The following MCC variants were observed in gnomAD, a reference collection of about 807,000 sequenced individuals.
MCC encodes MCC regulator of Wnt signaling pathway.
In MCC, 90 loss-of-function variants were observed where a neutral mutation model predicts 116.2. That is an observed-to-expected ratio of 0.77 (90% CI 0.65 to 0.92). The LOEUF is 0.92. Ranked by LOEUF, MCC falls within the 40% of genes least tolerant of loss-of-function variation. The pLI is 0.00. For synonymous variants in MCC, 578 were observed against 510.5 expected (o/e 1.13, Z -1.78); for missense variants, 1,516 against 1,312.2 (o/e 1.16, Z -2.40).
intron 1 of MCC, chr5:113,433,191 G>A (rs867704028): frequency 1.1e-5 from 2 of 180,402 alleles, no homozygotes; most frequent in South Asian, 2.2e-4. Flanking sequence ...CGAGGCTGCC[G>A]CCGAGAGTGC....
rs143904130 is a variant in MCC, at chr5:113,150,199, G to C, written c.741+1110C>G. On this transcript the variant is annotated intron_variant, in intron 4 of 18. Transcript: ENST00000408903. Reference sequence around the variant, plus strand: ...AAAGGAACAGAGCCAGACAGTGACAGAAAGCAGGCTGCCATTTTTGACAAG... The same window carrying C: ...AAAGGAACAGAGCCAGACAGTGACACAAAGCAGGCTGCCATTTTTGACAAG... Among the ~76,000 whole-genome samples the C allele has an allele frequency of 6.6e-5, 10 of 152,306 alleles. No individual in the cohort carries two copies. The East Asian group carries it at 1.9e-3, about 29-fold the overall frequency.
chr5:113,180,945 C>T (rs1761597744), intron 3 of MCC, among the ~76,000 whole-genome samples: 1 of 143,414 alleles, frequency 7.0e-6, no homozygotes, highest in Admixed American at 6.7e-5. Flanking sequence ...TATGTCTTTA[C>T]AGTTTAATCT....
intron 3 of MCC, among the ~76,000 whole-genome samples, chr5:113,242,024 T>C (rs953176177): frequency 6.6e-6 from 1 of 152,206 alleles, no homozygotes; most frequent in Non-Finnish European, 1.5e-5. Context: ...CAGTATAAAA[T>C]GAACACCCTC....
chr5:113,230,109 A>G lies in MCC; in HGVS notation c.628-78687T>C, dbSNP rs1355626925. On this transcript the variant is annotated intron_variant, in intron 3 of 18. Coordinates refer to ENST00000408903, the MANE Select transcript of MCC (RefSeq NM_001085377.2). ...AGATGTTAAATAGTGGATTCTAAAA[A>G]TGGCCATTGTAGAGTTAAATTGCCT... 2.0e-5 allele frequency among the ~76,000 whole-genome samples: 3 copies of G among 152,226 alleles called. No homozygotes were observed. The South Asian group carries it at 6.2e-4, about 32-fold the overall frequency.
chr5:113,444,726 C>G (rs746141938), intron 1 of MCC, among the ~76,000 whole-genome samples: 8 of 152,122 alleles, frequency 5.3e-5, no homozygotes, highest in Non-Finnish European at 1.2e-4. Flanking sequence ...TTGTATTGTT[C>G]ATCAATTATT....
At chr5:113,265,958 A>G (rs1765402303) in intron 3 of MCC, among the ~76,000 whole-genome samples, 1 of 152,182 alleles carries the variant, frequency 6.6e-6, no homozygotes, top group Non-Finnish European at 1.5e-5. Flanking sequence ...TCTGCCTGCC[A>G]TAATATAGGT....
At chr5:113,295,579 G>A (rs1766686525) in intron 3 of MCC, among the ~76,000 whole-genome samples, 1 of 152,112 alleles carries the variant, frequency 6.6e-6, no homozygotes, top group African/African-American at 2.4e-5. Flanking sequence ...ATTGAGCGGA[G>A]GTAGAGTTGT....
chr5:113,459,261 C>T (rs890257754), intron 1 of MCC, among the ~76,000 whole-genome samples: 17 of 151,344 alleles, frequency 1.1e-4, no homozygotes, highest in Admixed American at 3.3e-4. Flanking sequence ...AGGCCAGGTG[C>T]GGTGGCTCAC....
chr5:113,352,567 G>C (rs1581420764), intron 2 of MCC, among the ~76,000 whole-genome samples: 1 of 152,168 alleles, frequency 6.6e-6, no homozygotes, highest in East Asian at 1.9e-4. Context: ...AAAAATCTTT[G>C]CTGTAAAGAG....
chr5:113,098,274 G>A (rs1756170066), intron 8 of MCC, among the ~76,000 whole-genome samples: 1 of 152,108 alleles, frequency 6.6e-6, no homozygotes, highest in Non-Finnish European at 1.5e-5. Flanking sequence ...CGACTCTCTG[G>A]GGAGCTCTCA....
intron 3 of MCC, among the ~76,000 whole-genome samples, chr5:113,162,914 C>T (rs1760571249): frequency 6.6e-6 from 1 of 152,172 alleles, no homozygotes; most frequent in Non-Finnish European, 1.5e-5. Context: ...ATCTCATTTT[C>T]ACAAGTCCTG....
At chr5:113,185,960 G>C (rs1021147143) in intron 3 of MCC, among the ~76,000 whole-genome samples, 10 of 152,110 alleles carry the variant, frequency 6.6e-5, no homozygotes, top group Non-Finnish European at 2.9e-5. Context: ...TGTATATTCA[G>C]ATGAGAGCCA....
intron 2 of MCC, among the ~76,000 whole-genome samples, chr5:113,375,759 G>A (rs1461163954): frequency 6.6e-6 from 1 of 152,184 alleles, no homozygotes; most frequent in Non-Finnish European, 1.5e-5. Flanking sequence ...AGACATGAAT[G>A]AAGAAGCTGC....
chr5:113,027,086 C>T lies in MCC; in HGVS notation c.*216G>A. ...CATGTGTTTACACGCTGTTGTGGGC[C>T]CAGGAGGGAAGAGCGGGCACCTCTG... On this transcript the variant is annotated 3_prime_UTR_variant, in exon 19 of 19. Coordinates refer to ENST00000408903, the MANE Select transcript of MCC (RefSeq NM_001085377.2). The T allele has an allele frequency of 7.1e-6, 4 of 561,798 alleles. No homozygotes were observed. Among genetic ancestry groups the T allele is most frequent in the East Asian group, 5.9e-5 (2 of 33,852 alleles). The allele number at this position is 561,798 out of a possible 1,614,324, so 34.8% of individuals were successfully genotyped here. A position where few individuals can be genotyped will look rare whatever the true frequency, so the allele number is the denominator to read the frequency against.
chr5:113,436,493 GAC>G (rs1365913341), intron 1 of MCC: 1 of 152,112 alleles, frequency 6.6e-6, no homozygotes, highest in African/African-American at 2.4e-5. Context: ...CAGTAACATC[GAC>G]ACAGAGACCT....
In MCC at chr5:113,026,169, TG is replaced by T. The variant is rs1462673169; in HGVS notation, c.*1132del. 6.6e-6 allele frequency: 1 copy of T among 152,248 alleles called. No homozygotes were observed. The highest frequency in any genetic ancestry group is 2.4e-5 in the African/African-American group (1 of 41,472). 9.4% of individuals were successfully genotyped at this position (152,248 alleles called of 1,614,324 possible). On this transcript the variant is annotated 3_prime_UTR_variant, in exon 19 of 19. Transcript: ENST00000408903. ...GAAATTTAACCTTTTAAGCACCATA[TG>T]CTAACCATCACCATGTATCTGGGGG...
intron 11 of MCC, among the ~76,000 whole-genome samples, chr5:113,074,680 G>C (rs1328145574): frequency 6.6e-6 from 1 of 152,224 alleles, no homozygotes; most frequent in East Asian, 1.9e-4. Flanking sequence ...AAACAGTGTA[G>C]ACAAGTCCTT....
intron 3 of MCC, among the ~76,000 whole-genome samples, chr5:113,174,241 T>C (rs1298867519): frequency 6.6e-6 from 1 of 152,112 alleles, no homozygotes; most frequent in African/African-American, 2.4e-5. Context: ...TGAATCAATG[T>C]TCCCAACCTG....
In MCC at chr5:113,211,493, G is replaced by T. The variant is rs143288943; in HGVS notation, c.628-60071C>A. On this transcript the variant is annotated intron_variant, in intron 3 of 18. Coordinates refer to ENST00000408903, the MANE Select transcript of MCC (RefSeq NM_001085377.2). ...CTCTGTGTAATGGTGCCCACAGCTT[G>T]ATTCTAAAACAATCTTCTACATAGC... Among the ~76,000 whole-genome samples, 417 of 152,300 alleles carry T rather than the reference G, an allele frequency of 2.7e-3. 2 individuals carry two copies. Among genetic ancestry groups the T allele is most frequent in the Non-Finnish European group, 4.5e-3 (309 of 68,026 alleles).
Sources: gnomAD v4.1 joint callset for allele counts (sites outside exome capture counted in the v4.1 genomes callset) on GRCh38, gnomAD v4.1.1 for gene constraint, MANE v1.5 for transcripts, NCBI Gene and HGNC (gene_info 2026-07-23, HGNC 2026-07-21) for gene names.